EXTL3: variants seen among roughly 807,000 people sequenced by gnomAD.
EXTL3 encodes the protein exostosin-like 3.
Under a neutral mutation model 69.3 loss-of-function variants are expected in EXTL3, and 27 were observed. That is an observed-to-expected ratio of 0.39 (90% CI 0.29 to 0.54). The LOEUF (loss-of-function observed/expected upper bound fraction) is 0.54, where lower values mean the gene tolerates loss of function less well. EXTL3 is among the 20% of genes least tolerant of loss of function. EXTL3 has a pLI of 0.69. For synonymous variants in EXTL3, 511 were observed against 499.4 expected (o/e 1.02, Z -0.31); for missense variants, 1,003 against 1,231.8 (o/e 0.81, Z 2.78).
At chr8:28,629,826 T>C (rs577727129) in intron 1 of EXTL3, among the ~76,000 whole-genome samples, 1 of 152,130 alleles carries the variant, frequency 6.6e-6, no homozygotes, top group South Asian at 2.1e-4. Flanking sequence ...TGCATGGAGG[T>C]TCCCAGTGAT....
At chr8:28,632,257 A>G (rs1297772639) in intron 1 of EXTL3, among the ~76,000 whole-genome samples, 1 of 151,794 alleles carries the variant, frequency 6.6e-6, no homozygotes, top group African/African-American at 2.4e-5. Context: ...AAATACAAAA[A>G]TTAGCTGGGC....
intron 3 of EXTL3, among the ~76,000 whole-genome samples, chr8:28,719,064 A>G (rs1227935967): frequency 6.6e-6 from 1 of 152,166 alleles, no homozygotes; most frequent in Non-Finnish European, 1.5e-5. Flanking sequence ...CCTGCTGCAT[A>G]TGTAGTTACT....
intron 5 of EXTL3, chr8:28,739,931 C>T (rs1019734167): frequency 6.6e-6 from 1 of 152,358 alleles, no homozygotes; most frequent in East Asian, 1.9e-4. Flanking sequence ...CAGATTCAGA[C>T]TGTTCTTTAA....
intron 1 of EXTL3, among the ~76,000 whole-genome samples, chr8:28,702,646 C>G (rs1169910313): frequency 2.1e-5 from 3 of 143,348 alleles, no homozygotes; most frequent in Non-Finnish European, 1.5e-5. Flanking sequence ...TTCATCAAGT[C>G]CTCTTGGTTC....
chr8:28,640,166 CTTTAT>C (rs545731565), intron 1 of EXTL3, among the ~76,000 whole-genome samples: 182 of 152,184 alleles, frequency 1.2e-3, no homozygotes, highest in Non-Finnish European at 2.3e-3. Context: ...CAGATATTTG[CTTTAT>C]TTTGTGAAAT....
Position 28,611,868 on chromosome 8 carries a change from C to T in EXTL3, n.314+4110C>T, listed in dbSNP as rs574899996. Among the ~76,000 whole-genome samples the T allele has an allele frequency of 9.8e-5, 15 of 152,320 alleles. No individual in the cohort carries two copies. The South Asian group carries it at 2.7e-3, about 27-fold the overall frequency. On this transcript the variant is annotated intron_variant and non_coding_transcript_variant, in intron 2 of 4. Transcript: ENST00000522725. ...AATACAGAACCGAGTCTGTTCGCTG[C>T]GATGCCAGCCGCTGTCACCCACCCC... is the stretch of plus-strand genomic sequence containing the variant.
chr8:28,613,193 C>G (rs28816511), intron 2 of EXTL3, among the ~76,000 whole-genome samples: 2 of 151,040 alleles, frequency 1.3e-5, no homozygotes, highest in African/African-American at 4.9e-5. Context: ...TTTGTTTTTT[C>G]TTTTTTTTGA....
chr8:28,683,433 G>T (rs1807524611), intron 1 of EXTL3, among the ~76,000 whole-genome samples: 1 of 151,808 alleles, frequency 6.6e-6, no homozygotes, highest in Non-Finnish European at 1.5e-5. Context: ...TTGATTTTTT[G>T]GGGGGATATC....
At chr8:28,687,229 G>A (rs1418290549) in intron 1 of EXTL3, among the ~76,000 whole-genome samples, 1 of 152,236 alleles carries the variant, frequency 6.6e-6, no homozygotes, top group Non-Finnish European at 1.5e-5. Context: ...ACTTTGGGAG[G>A]CCAAGGTGGA....
intron 1 of EXTL3, among the ~76,000 whole-genome samples, chr8:28,650,518 T>C (rs1806902582): frequency 1.3e-5 from 2 of 151,778 alleles, no homozygotes; most frequent in African/African-American, 4.8e-5. Context: ...CCACCATACC[T>C]GGCTAATTTT....
At chr8:28,665,063 C>CTTTTTTT (rs1222832851) in intron 1 of EXTL3, among the ~76,000 whole-genome samples, 1 of 62,398 alleles carries the variant, frequency 1.6e-5, no homozygotes, top group Non-Finnish European at 3.1e-5. Flanking sequence ...TTTTCCTTTA[C>CTTTTTTT]TTTTTTTTTT....
At chr8:28,712,327 C>G (rs998325063) in intron 1 of EXTL3, among the ~76,000 whole-genome samples, 4 of 152,014 alleles carry the variant, frequency 2.6e-5, no homozygotes, top group South Asian at 2.1e-4. Context: ...CTGGGGAGCC[C>G]GGCAGTACAG....
intron 1 of EXTL3, among the ~76,000 whole-genome samples, chr8:28,653,241 T>C (rs560254605): frequency 9.2e-5 from 14 of 152,352 alleles, no homozygotes; most frequent in Non-Finnish European, 1.6e-4. Context: ...TGTTCAGTTG[T>C]AGGAGTTTTT....
chr8:28,679,487 C>T (rs1807444473), intron 1 of EXTL3, among the ~76,000 whole-genome samples: 1 of 152,040 alleles, frequency 6.6e-6, no homozygotes, highest in African/African-American at 2.4e-5. Flanking sequence ...CTTATAATTC[C>T]AGCACTTTGG....
chr8:28,660,838 CTTTTTTTTTTTTTTT>C (rs58151386), intron 1 of EXTL3, among the ~76,000 whole-genome samples: 3 of 46,970 alleles, frequency 6.4e-5, no homozygotes, highest in South Asian at 1.4e-3. Context: ...CGATTTTTGG[CTTTTTTTTTTTTTTT>C]TTTTTTTTTT....
At chr8:28,742,908 C>G in intron 5 of EXTL3, 178 bp from the exon 6 acceptor site, 1 of 699,370 alleles carries the variant, frequency 1.4e-6, no homozygotes, top group East Asian at 2.6e-5. Flanking sequence ...TAATTCCTCA[C>G]TGCAGAAGAT....
chr8:28,729,888 A>C (rs569252572), intron 3 of EXTL3, among the ~76,000 whole-genome samples: 2 of 151,560 alleles, frequency 1.3e-5, no homozygotes, highest in South Asian at 4.2e-4. Flanking sequence ...GGCTCTTGCA[A>C]CTTGCCAGTT....
intron 1 of EXTL3, among the ~76,000 whole-genome samples, chr8:28,711,179 A>C (rs1801023766): frequency 6.6e-6 from 1 of 152,184 alleles, no homozygotes; most frequent in South Asian, 2.1e-4. Flanking sequence ...CTGTGGTGAT[A>C]GCCCCTGTTT....
intron 5 of EXTL3, chr8:28,740,059 G>C (rs1801742341): frequency 6.6e-6 from 1 of 152,198 alleles, no homozygotes; most frequent in Non-Finnish European, 1.5e-5. Context: ...CCAAACCTCA[G>C]TTGGCTTACA....
Sources: allele counts gnomAD v4.1 joint callset (sites outside exome capture counted in the v4.1 genomes callset), GRCh38; gene constraint gnomAD v4.1.1; transcripts MANE v1.5; gene names NCBI Gene and HGNC (gene_info 2026-07-23, HGNC 2026-07-21).